Variants in TMCO4 observed in about 807,000 individuals in gnomAD.
The protein encoded by TMCO4 is transmembrane and coiled-coil domains 4.
A neutral mutation model predicts 64.7 loss-of-function variants in TMCO4; 58 were observed. That is an observed-to-expected ratio of 0.90 (90% CI 0.73 to 1.12). The LOEUF (loss-of-function observed/expected upper bound fraction) is 1.12, where lower values mean the gene tolerates loss of function less well. TMCO4 is among the 50% of genes most tolerant of loss of function. The pLI, the probability that TMCO4 is intolerant of heterozygous loss-of-function variation, is 0.00. For missense variants in TMCO4, 780 were observed against 825.9 expected (o/e 0.94, Z 0.68); for synonymous variants, 325 against 346.1 (o/e 0.94, Z 0.68).
intron 6 of TMCO4, among the ~76,000 whole-genome samples, chr1:19,761,865 G>A (rs953000988): frequency 6.6e-6 from 1 of 152,204 alleles, no homozygotes; most frequent in African/African-American, 2.4e-5. Context: ...ATGCCTGGAG[G>A]CAGAGCGTGA....
chr1:19,729,571 G>A (rs2095422059), intron 13 of TMCO4, among the ~76,000 whole-genome samples: 1 of 151,724 alleles, frequency 6.6e-6, no homozygotes, highest in East Asian at 2.0e-4. Flanking sequence ...TTTGAGACCA[G>A]CCTGGCCAAC....
intron 8 of TMCO4, 126 bp from the exon 9 acceptor site, chr1:19,746,725 C>A: frequency 8.3e-7 from 1 of 1,198,006 alleles, no homozygotes; most frequent in South Asian, 1.6e-5. Flanking sequence ...GAGATCGAGA[C>A]TATCCTGGCT....
intron 13 of TMCO4, among the ~76,000 whole-genome samples, chr1:19,730,359 T>C (rs1013067708): frequency 1.3e-5 from 2 of 152,234 alleles, no homozygotes; most frequent in African/African-American, 4.8e-5. Context: ...AATGAACCTT[T>C]GTTGTATCAC....
At chr1:19,733,018 C>T (rs2095436716) in intron 13 of TMCO4, among the ~76,000 whole-genome samples, 1 of 152,126 alleles carries the variant, frequency 6.6e-6, no homozygotes, top group South Asian at 2.1e-4. Context: ...GTAATGCCAG[C>T]ACTTTGGGAG....
chr1:19,720,476 C>T (rs1337381828), intron 13 of TMCO4, among the ~76,000 whole-genome samples: 1 of 152,146 alleles, frequency 6.6e-6, no homozygotes, highest in Non-Finnish European at 1.5e-5. Context: ...CCAGGCCTGC[C>T]TCCCTTGCAT....
chr1:19,750,821 A>C (rs150632259), intron 7 of TMCO4, among the ~76,000 whole-genome samples: 1 of 152,320 alleles, frequency 6.6e-6, no homozygotes, highest in Non-Finnish European at 1.5e-5. Flanking sequence ...CCGAGATGGG[A>C]CATATCCTCC....
At chr1:19,756,779 C>T (rs779589058) in intron 6 of TMCO4, among the ~76,000 whole-genome samples, 5 of 151,690 alleles carry the variant, frequency 3.3e-5, no homozygotes, top group Non-Finnish European at 7.4e-5. Flanking sequence ...ATCACTTGAG[C>T]GCAGGAGCTC....
At position 19,771,384 on chromosome 1, in the gene TMCO4, C is replaced by T. The variant is rs1447162247; in HGVS notation, c.278G>A (p.Gly93Asp). Residue 93 changes from glycine to aspartate, a missense_variant, in exon 5 of 16, where the codon GGT becomes GAT. Gly to Asp is a moderately conservative substitution (Grantham distance 94). Transcript: ENST00000294543. ...TTGAACAAACACATCTGCTCCTTCACCTCCCAGGCCGCTCGCAAAAGCAGT... is the reference window on the plus strand; with the variant it reads ...TTGAACAAACACATCTGCTCCTTCATCTCCCAGGCCGCTCGCAAAAGCAGT... ...TMTAFASGLG[G>D]EGADVFVQIL... is the part of the protein sequence containing the mutation. 1.2e-6 allele frequency: 2 copies of T among 1,614,090 alleles called. No individual in the cohort carries two copies. Among genetic ancestry groups the T allele is most frequent in the Non-Finnish European group, 1.7e-6 (2 of 1,180,054 alleles).
intron 13 of TMCO4, among the ~76,000 whole-genome samples, chr1:19,721,067 G>C (rs1244571079): frequency 6.6e-6 from 1 of 152,196 alleles, no homozygotes; most frequent in Non-Finnish European, 1.5e-5. Flanking sequence ...TCCAACCTCA[G>C]AGGAATGCTC....
intron 13 of TMCO4, among the ~76,000 whole-genome samples, chr1:19,702,470 C>T (rs113680414): frequency 0.041 from 6,196 of 152,086 alleles, 370 homozygotes; most frequent in East Asian, 0.27. Flanking sequence ...TGGCAAAAGC[C>T]TGTAATCCCA....
intron 6 of TMCO4, among the ~76,000 whole-genome samples, chr1:19,756,252 A>C (rs1233229870): frequency 6.6e-6 from 1 of 152,214 alleles, no homozygotes; most frequent in Non-Finnish European, 1.5e-5. Flanking sequence ...CTGTCTCAAA[A>C]AAGAAAAAAG....
intron 13 of TMCO4, among the ~76,000 whole-genome samples, chr1:19,701,983 T>A (rs12733480): frequency 0.45 from 67,882 of 151,656 alleles, 15,512 homozygotes; most frequent in Admixed American, 0.51. Flanking sequence ...TTTATTTATT[T>A]CTTTGAGACA....
intron 15 of TMCO4, 33 bp downstream of exon 15, chr1:19,694,401 G>A (rs746076157): frequency 4.5e-5 from 72 of 1,588,500 alleles, no homozygotes; most frequent in Middle Eastern, 1.7e-4. Flanking sequence ...CTAAGCAAAC[G>A]CAAAGCCCCA....
chr1:19,699,111 G>C (rs2095254955), intron 14 of TMCO4, among the ~76,000 whole-genome samples: 1 of 151,924 alleles, frequency 6.6e-6, no homozygotes, highest in Admixed American at 6.6e-5. Context: ...CAGGAGAATG[G>C]CATGAACCTG....
chr1:19,741,370 G>C (rs1369556688), intron 10 of TMCO4, among the ~76,000 whole-genome samples: 1 of 152,188 alleles, frequency 6.6e-6, no homozygotes, highest in Non-Finnish European at 1.5e-5. Context: ...GCATACAATG[G>C]GACAAGCAGC....
At chr1:19,694,627 CT>C in intron 14 of TMCO4, 76 bp from the exon 15 acceptor site, 2 of 1,403,940 alleles carry the variant, frequency 1.4e-6, no homozygotes, top group Non-Finnish European at 2.0e-6. Context: ...GCCAGGCTGC[CT>C]CCTGGGGAAG....
intron 12 of TMCO4, among the ~76,000 whole-genome samples, chr1:19,738,866 T>C (rs1412083668): frequency 6.6e-6 from 1 of 152,236 alleles, no homozygotes; most frequent in East Asian, 1.9e-4. Flanking sequence ...CAGCTAGGAA[T>C]GGTCATGTGA....
At chr1:19,718,952 C>T (rs1015707049) in intron 13 of TMCO4, among the ~76,000 whole-genome samples, 1 of 152,142 alleles carries the variant, frequency 6.6e-6, no homozygotes, top group Non-Finnish European at 1.5e-5. Flanking sequence ...GCTAACTACA[C>T]ACAACGTAAA....
chr1:19,739,703 C>A (rs774642746), intron 12 of TMCO4, 121 bp downstream of exon 12: 3 of 1,439,708 alleles, frequency 2.1e-6, no homozygotes, highest in South Asian at 1.4e-5. Flanking sequence ...ACTGCCCACA[C>A]CCCCAAAACC....
Sources: allele counts gnomAD v4.1 joint callset (sites outside exome capture counted in the v4.1 genomes callset), GRCh38; gene constraint gnomAD v4.1.1; transcripts MANE v1.5; gene names NCBI Gene and HGNC (gene_info 2026-07-23, HGNC 2026-07-21).